The following MDGA2 variants were observed in gnomAD, a reference collection of about 807,000 sequenced individuals.
MDGA2 encodes the protein MAM domain containing glycosylphosphatidylinositol anchor 2.
MDGA2 carries 40 observed loss-of-function variants against 117.8 expected under a neutral mutation model. The observed-to-expected ratio is 0.34, with a 90% CI of 0.26 to 0.44. The LOEUF is 0.44. Ranked by LOEUF, MDGA2 falls within the 20% of genes least tolerant of loss-of-function variation. The pLI is 1.00. For missense variants in MDGA2, 1,123 were observed against 1,250.6 expected (o/e 0.90, Z 1.54); for synonymous variants, 452 against 439.0 (o/e 1.03, Z -0.37).
chr14:47,346,148 C>T (rs1382626073), intron 1 of MDGA2, among the ~76,000 whole-genome samples: 1 of 152,050 alleles, frequency 6.6e-6, no homozygotes, highest in Admixed American at 6.6e-5. Flanking sequence ...TGCTAATTAT[C>T]CTGATCTGAT....
chr14:46,875,214 A>C (rs1882176879), intron 12 of MDGA2, among the ~76,000 whole-genome samples: 1 of 151,734 alleles, frequency 6.6e-6, no homozygotes, highest in African/African-American at 2.4e-5. Context: ...AGAGACTTCC[A>C]TTTTAGTCTC....
chr14:47,671,453 C>A (rs1898072876), intron 1 of MDGA2, among the ~76,000 whole-genome samples: 1 of 152,124 alleles, frequency 6.6e-6, no homozygotes, highest in Non-Finnish European at 1.5e-5. Flanking sequence ...AAGGGATACC[C>A]TAGCTATTCC....
At chr14:47,012,875 T>C (rs1348476936) in intron 8 of MDGA2, among the ~76,000 whole-genome samples, 2 of 152,118 alleles carry the variant, frequency 1.3e-5, no homozygotes, top group Non-Finnish European at 2.9e-5. Context: ...ACATTTACAC[T>C]ATACTGCAGT....
At chr14:47,060,916 C>A (rs962641557) in intron 7 of MDGA2, among the ~76,000 whole-genome samples, 12 of 151,798 alleles carry the variant, frequency 7.9e-5, no homozygotes, top group Non-Finnish European at 1.8e-4. Flanking sequence ...TAACTCTAGA[C>A]ATTTGTTGTT....
At chr14:46,894,354 G>A (rs186284777) in intron 10 of MDGA2, among the ~76,000 whole-genome samples, 2 of 151,892 alleles carry the variant, frequency 1.3e-5, no homozygotes, top group African/African-American at 4.8e-5. Context: ...TATATCAAAT[G>A]TGTTGCTTTC....
intron 12 of MDGA2, among the ~76,000 whole-genome samples, chr14:46,874,405 A>C (rs1882141740): frequency 6.6e-6 from 1 of 151,894 alleles, no homozygotes; most frequent in Non-Finnish European, 1.5e-5. Context: ...TTACATGTAA[A>C]TTAATATCTT....
intron 2 of MDGA2, among the ~76,000 whole-genome samples, chr14:47,253,867 C>T (rs1018036088): frequency 9.4e-4 from 143 of 152,380 alleles, no homozygotes; most frequent in African/African-American, 3.1e-3. Context: ...CATTTCCATA[C>T]ATCCTCTGAA....
At chr14:46,984,623 A>C (rs1886799929) in intron 8 of MDGA2, among the ~76,000 whole-genome samples, 1 of 151,922 alleles carries the variant, frequency 6.6e-6, no homozygotes, top group Admixed American at 6.6e-5. Context: ...CACAGTTATA[A>C]TCTTACACAA....
chr14:47,601,947 G>A (rs1317418983), intron 1 of MDGA2, among the ~76,000 whole-genome samples: 1 of 152,056 alleles, frequency 6.6e-6, no homozygotes, highest in African/African-American at 2.4e-5. Flanking sequence ...TTTTGATTTA[G>A]GCTTATTTTC....
Position 46,957,471 on chromosome 14 carries a change from C to T in MDGA2, c.1992G>A (p.Glu664=), listed in dbSNP as rs771997400. ...CATTGGAAAGACTCTTCACAGCGTACTCTGTGTATTCCTGAGAGTCAAATT... is the reference window on the plus strand; with the variant it reads ...CATTGGAAAGACTCTTCACAGCGTATTCTGTGTATTCCTGAGAGTCAAATT... ...TGQFDSQEYT[E]YAVKSLSNEN... is the part of the protein sequence containing the mutation. The change falls in exon 9 of 17, where the codon GAG becomes GAA. Residue 664 remains glutamate (E), a synonymous_variant. Coordinates refer to ENST00000399232, the MANE Select transcript of MDGA2 (RefSeq NM_001113498.3). 10 of 1,614,096 alleles carry T rather than the reference C, an allele frequency of 6.2e-6. No homozygotes were observed. Among genetic ancestry groups the T allele is most frequent in the Non-Finnish European group, 7.6e-6 (9 of 1,180,004 alleles).
intron 15 of MDGA2, among the ~76,000 whole-genome samples, chr14:46,854,024 G>C (rs2933214): frequency 1 from 151,629 of 151,856 alleles, 75,702 homozygotes; most frequent in Middle Eastern, 1. Context: ...CTCTCTGATT[G>C]TTTATCATTG....
chr14:46,904,447 T>G (rs981881844), intron 10 of MDGA2, among the ~76,000 whole-genome samples: 4 of 151,958 alleles, frequency 2.6e-5, no homozygotes, highest in African/African-American at 9.7e-5. Flanking sequence ...CTGGCATTAA[T>G]AGCAGAAGTG....
chr14:46,884,459 CA>C lies in MDGA2; in HGVS notation c.2239-2239del, dbSNP rs1446209296. ...ATCACATAATATGCACATATGTTCA[CA>C]TATATGCACATACTATATGTTCATA... On this transcript the variant is annotated intron_variant, in intron 10 of 16. Coordinates refer to ENST00000399232, the MANE Select transcript of MDGA2 (RefSeq NM_001113498.3). This position sits in a 1 kb window ranked among gnomAD's most constrained non-coding sequence, Gnocchi z 4.1. 6.6e-6 allele frequency among the ~76,000 whole-genome samples: 1 copy of C among 152,086 alleles called. No homozygotes were observed. Among genetic ancestry groups the C allele is most frequent in the Non-Finnish European group, 1.5e-5 (1 of 68,014 alleles).
intron 1 of MDGA2, among the ~76,000 whole-genome samples, chr14:47,338,497 G>C (rs1890526772): frequency 6.6e-6 from 1 of 151,590 alleles, no homozygotes; most frequent in East Asian, 1.9e-4. Context: ...CTTTTAAAAG[G>C]CACATTATCA....
At chr14:47,351,201 C>T (rs1052476873) in intron 1 of MDGA2, among the ~76,000 whole-genome samples, 1 of 151,968 alleles carries the variant, frequency 6.6e-6, no homozygotes, top group Non-Finnish European at 1.5e-5. Context: ...CCTGCCTCAG[C>T]CTCCCGAGTA....
intron 1 of MDGA2, among the ~76,000 whole-genome samples, chr14:47,389,475 A>G (rs1285713204): frequency 6.6e-6 from 1 of 152,182 alleles, no homozygotes; most frequent in African/African-American, 2.4e-5. Context: ...TTTAATCTAT[A>G]GGGTCTTTTT....
At chr14:46,883,554 C>A (rs898545021) in intron 10 of MDGA2, among the ~76,000 whole-genome samples, 1 of 151,870 alleles carries the variant, frequency 6.6e-6, no homozygotes, top group Non-Finnish European at 1.5e-5. Flanking sequence ...TAAAATTGTA[C>A]TTTAGTAACA....
chr14:47,552,247 T>G (rs552439528), intron 1 of MDGA2, among the ~76,000 whole-genome samples: 1 of 152,278 alleles, frequency 6.6e-6, no homozygotes, highest in East Asian at 1.9e-4. Flanking sequence ...AAATACCACC[T>G]TTGACTGTCG....
chr14:46,876,755 C>T (rs1046232581), intron 12 of MDGA2, among the ~76,000 whole-genome samples: 3 of 151,324 alleles, frequency 2.0e-5, no homozygotes, highest in Admixed American at 1.3e-4. Context: ...TCCTTTTGCA[C>T]CCAGAGACGA....
Sources: gnomAD v4.1 joint callset for allele counts (sites outside exome capture counted in the v4.1 genomes callset) on GRCh38, gnomAD v4.1.1 for gene constraint, Gnocchi (gnomAD v3.1) non-coding constraint, MANE v1.5 for transcripts, NCBI Gene and HGNC (gene_info 2026-07-23, HGNC 2026-07-21) for gene names.